Variants in PARN observed in about 807,000 individuals in gnomAD.
PARN encodes the protein poly(A)-specific ribonuclease, also known as poly(A)-specific ribonuclease PARN.
PARN carries 71 observed loss-of-function variants against 102.8 expected under a neutral mutation model. The observed-to-expected ratio is 0.69, with a 90% CI of 0.57 to 0.84. PARN has a LOEUF of 0.84. PARN is among the 40% of genes least tolerant of loss of function. The pLI is 0.00. For missense variants in PARN, 782 were observed against 760.9 expected (o/e 1.03, Z -0.33); for synonymous variants, 261 against 252.9 (o/e 1.03, Z -0.30).
chr16:14,619,875 G>A (rs1487005705), intron 5 of PARN, among the ~76,000 whole-genome samples: 10 of 150,362 alleles, frequency 6.7e-5, no homozygotes, highest in Admixed American at 2.0e-4. Context: ...TTCGAGACCC[G>A]CCTGACCAAC....
intron 23 of PARN, among the ~76,000 whole-genome samples, chr16:14,441,315 C>T (rs753080351): frequency 4.6e-5 from 7 of 152,150 alleles, no homozygotes; most frequent in African/African-American, 1.2e-4. Context: ...AATTAAAAGA[C>T]GGGGAACACA....
intron 5 of PARN, among the ~76,000 whole-genome samples, chr16:14,621,172 T>C (rs953224763): frequency 2.6e-5 from 4 of 152,182 alleles, no homozygotes; most frequent in South Asian, 2.1e-4. Flanking sequence ...CAAGACTCAA[T>C]GTATTTTGAT....
At chr16:14,591,391 A>C (rs1175828088) in intron 13 of PARN, among the ~76,000 whole-genome samples, 1 of 28,862 alleles carries the variant, frequency 3.5e-5, no homozygotes, top group South Asian at 6.2e-4. Flanking sequence ...CTCCATCTCT[A>C]AAAAAAAAAA....
intron 22 of PARN, among the ~76,000 whole-genome samples, chr16:14,462,037 C>T (rs911720580): frequency 2.6e-5 from 4 of 152,170 alleles, no homozygotes; most frequent in Admixed American, 6.5e-5. Flanking sequence ...GTTAACACAT[C>T]GTAGTCACTG....
At chr16:14,550,034 G>A (rs1596643445) in intron 21 of PARN, among the ~76,000 whole-genome samples, 1 of 152,186 alleles carries the variant, frequency 6.6e-6, no homozygotes, top group South Asian at 2.1e-4. Flanking sequence ...AGTGTGGCTA[G>A]CAAAGGAGCT....
chr16:14,478,423 A>C (rs982891610), intron 22 of PARN, among the ~76,000 whole-genome samples: 5 of 152,240 alleles, frequency 3.3e-5, no homozygotes, highest in African/African-American at 9.6e-5. Flanking sequence ...ATGATTTCTT[A>C]ACGTACTAGA....
At chr16:14,449,951 T>C (rs1961376537) in intron 22 of PARN, among the ~76,000 whole-genome samples, 2 of 152,198 alleles carry the variant, frequency 1.3e-5, no homozygotes, top group Non-Finnish European at 2.9e-5. Flanking sequence ...CAAAACTGCA[T>C]ACACTTCCAG....
chr16:14,444,983 ATTTTTT>A (rs564058919), intron 23 of PARN, among the ~76,000 whole-genome samples: 118 of 117,952 alleles, frequency 1.0e-3, no homozygotes, highest in African/African-American at 2.2e-3. Context: ...TAATATTTAA[ATTTTTT>A]TTTTTTTTTT....
intron 22 of PARN, among the ~76,000 whole-genome samples, chr16:14,467,256 AAGG>A (rs1212360825): frequency 6.6e-6 from 1 of 152,172 alleles, no homozygotes; most frequent in Admixed American, 6.5e-5. Flanking sequence ...GCATTACCAG[AAGG>A]AGAAGAAATG....
intron 18 of PARN, 53 bp from the exon 19 acceptor site, chr16:14,555,762 C>T (rs1967645416): frequency 1.1e-6 from 1 of 891,172 alleles, no homozygotes; most frequent in Non-Finnish European, 1.6e-6. Flanking sequence ...AAAAGACAGG[C>T]ATTTTGCATT....
intron 21 of PARN, among the ~76,000 whole-genome samples, chr16:14,531,806 A>G (rs1032030524): frequency 6.6e-6 from 1 of 152,152 alleles, no homozygotes; most frequent in South Asian, 2.1e-4. Flanking sequence ...TTCTTTCAAA[A>G]GCCCCAGACT....
intron 15 of PARN, 130 bp downstream of exon 15, chr16:14,584,619 A>G (rs1311445803): frequency 1.3e-6 from 1 of 782,428 alleles, no homozygotes; most frequent in Non-Finnish European, 2.1e-6. Flanking sequence ...ACAAAGTATA[A>G]CCAAATGAAT....
At chr16:14,586,857 G>T (rs949224867) in intron 13 of PARN, among the ~76,000 whole-genome samples, 1 of 152,232 alleles carries the variant, frequency 6.6e-6, no homozygotes, top group African/African-American at 2.4e-5. Flanking sequence ...AGTAAAAATG[G>T]CCTTGGAAAC....
chr16:14,606,227 C>T (rs188709211), intron 10 of PARN, among the ~76,000 whole-genome samples: 57 of 152,142 alleles, frequency 3.7e-4, no homozygotes, highest in Non-Finnish European at 6.5e-4. Context: ...GGGCGAAACC[C>T]TGTCTCTACT....
At chr16:14,508,983 T>G (rs1965049989) in intron 21 of PARN, among the ~76,000 whole-genome samples, 2 of 151,294 alleles carry the variant, frequency 1.3e-5, no homozygotes, top group African/African-American at 4.8e-5. Context: ...GTAAAAAAAT[T>G]TTTTAAAAGG....
intron 21 of PARN, among the ~76,000 whole-genome samples, chr16:14,507,941 T>G (rs954181644): frequency 6.6e-6 from 1 of 152,190 alleles, no homozygotes; most frequent in African/African-American, 2.4e-5. Flanking sequence ...ATTTCTCAAC[T>G]GTTAATGAGA....
At chr16:14,606,397 G>GA in intron 10 of PARN, 87 bp downstream of exon 10, 3 of 522,550 alleles carry the variant, frequency 5.7e-6, no homozygotes, top group South Asian at 3.2e-5. Flanking sequence ...GACCCTGAGG[G>GA]AAAAAAAAAA....
At chr16:14,531,274 C>G (rs1367977383) in intron 21 of PARN, among the ~76,000 whole-genome samples, 2 of 151,766 alleles carry the variant, frequency 1.3e-5, no homozygotes, top group African/African-American at 4.8e-5. Flanking sequence ...GAACCCAGAA[C>G]GCAGAGGTTG....
intron 21 of PARN, among the ~76,000 whole-genome samples, chr16:14,539,085 G>A (rs12386021): frequency 0.17 from 26,397 of 152,000 alleles, 2,666 homozygotes; most frequent in Middle Eastern, 0.27. Flanking sequence ...AATAATAACC[G>A]AAATAAAACA....
Sources: allele counts gnomAD v4.1 joint callset (sites outside exome capture counted in the v4.1 genomes callset), GRCh38; gene constraint gnomAD v4.1.1; transcripts MANE v1.5; gene names NCBI Gene and HGNC (gene_info 2026-07-23, HGNC 2026-07-21).